ZBBX: variants seen among roughly 807,000 people sequenced by gnomAD.
ZBBX encodes zinc finger B-box domain containing, also known as zinc finger B-box domain-containing protein 1.
ZBBX carries 101 observed loss-of-function variants against 108.5 expected under a neutral mutation model. The ratio of observed to expected loss-of-function variants is 0.93; its 90% CI spans 0.79 to 1.10. ZBBX has a LOEUF of 1.10. Ranked by LOEUF, ZBBX falls within the 50% of genes least tolerant of loss-of-function variation. The pLI is 0.00. For synonymous variants in ZBBX, 356 were observed against 323.4 expected, an observed-to-expected ratio of 1.10 and a Z score of -1.08; for missense variants, 1,009 against 941.4, an observed-to-expected ratio of 1.07 and a Z score of -0.94.
chr3:167,321,430 G>T (rs1373482780), intron 12 of ZBBX, among the ~76,000 whole-genome samples: 7 of 151,966 alleles, frequency 4.6e-5, no homozygotes, highest in African/African-American at 1.7e-4. Context: ...CAGATGGAAT[G>T]GGCCACCTCG....
At chr3:167,324,992 T>G (rs1560126743) in intron 11 of ZBBX, among the ~76,000 whole-genome samples, 1 of 152,138 alleles carries the variant, frequency 6.6e-6, no homozygotes, top group Non-Finnish European at 1.5e-5. Flanking sequence ...CCCGCCCAAT[T>G]GTTACTGCCA....
chr3:167,311,893 A>ACT (rs1370198494), intron 16 of ZBBX, among the ~76,000 whole-genome samples: 1 of 152,116 alleles, frequency 6.6e-6, no homozygotes, highest in Non-Finnish European at 1.5e-5. Context: ...ACAAAACTAA[A>ACT]CATACCTGTA....
chr3:167,194,229 A>AATATAT, the ZBBX span, among the ~76,000 whole-genome samples: 2,222 of 139,802 alleles, frequency 0.016, 51 homozygotes, highest in African/African-American at 0.053. Context: ...ATATGTACTA[A>AATATAT]ATATATATAT....
intron 1 of ZBBX, among the ~76,000 whole-genome samples, chr3:167,401,720 A>T (rs1050251481): frequency 5.9e-5 from 9 of 152,120 alleles, no homozygotes; most frequent in African/African-American, 2.2e-4. Context: ...CTGTTTTATC[A>T]GCAAGGTCTT....
intron 1 of ZBBX, among the ~76,000 whole-genome samples, chr3:167,393,761 C>T (rs936064317): frequency 1.3e-5 from 2 of 151,860 alleles, no homozygotes; most frequent in South Asian, 2.1e-4. Flanking sequence ...AATTATCTCA[C>T]TTCTATTTTA....
chr3:167,239,547 T>A (rs898257239), downstream of ZBBX, among the ~76,000 whole-genome samples: 1 of 152,102 alleles, frequency 6.6e-6, no homozygotes, highest in South Asian at 2.1e-4. Context: ...CTCCTTATGA[T>A]TTTCTTAGTA....
At chr3:167,385,649 T>C (rs1382843378) in intron 1 of ZBBX, among the ~76,000 whole-genome samples, 1 of 152,024 alleles carries the variant, frequency 6.6e-6, no homozygotes, top group Non-Finnish European at 1.5e-5. Context: ...TACTTATCTA[T>C]AAGCCTTTTT....
At chr3:167,225,793 G>C in the ZBBX span, among the ~76,000 whole-genome samples, 1 of 151,794 alleles carries the variant, frequency 6.6e-6, no homozygotes, top group African/African-American at 2.4e-5. Context: ...ATCTTCCTCT[G>C]ATGGTTGAGG....
chr3:167,227,957 G>C, the ZBBX span, among the ~76,000 whole-genome samples: 1 of 151,600 alleles, frequency 6.6e-6, no homozygotes, highest in Admixed American at 6.6e-5. Flanking sequence ...GTGTATAGCT[G>C]GATAATGACT....
intron 13 of ZBBX, 76 bp from the exon 14 acceptor site, chr3:167,317,181 C>G: frequency 3.0e-6 from 3 of 1,014,980 alleles, no homozygotes; most frequent in Non-Finnish European, 4.4e-6. Flanking sequence ...AAGATAGCCA[C>G]CAAAAAAGAA....
chr3:167,236,433 T>C (rs1720234071), downstream of ZBBX, among the ~76,000 whole-genome samples: 1 of 151,798 alleles, frequency 6.6e-6, no homozygotes, highest in South Asian at 2.1e-4. Flanking sequence ...AGCAAAGCAC[T>C]TTCCAGTTGC....
intron 2 of ZBBX, among the ~76,000 whole-genome samples, chr3:167,376,961 C>T (rs1379183214): frequency 6.6e-6 from 1 of 152,120 alleles, no homozygotes; most frequent in African/African-American, 2.4e-5. Context: ...CTAATAAAAC[C>T]AGAGGAATAC....
the ZBBX span, among the ~76,000 whole-genome samples, chr3:167,181,322 A>G: frequency 2.0e-5 from 3 of 152,140 alleles, no homozygotes; most frequent in Non-Finnish European, 2.9e-5. Context: ...TCTCTCCCCC[A>G]TAAATTTATA....
At chr3:167,306,034 T>A in intron 16 of ZBBX, 84 bp from the exon 17 acceptor site, 1 of 1,160,822 alleles carries the variant, frequency 8.6e-7, no homozygotes, top group Non-Finnish European at 1.2e-6. Context: ...AGTTCTGTGG[T>A]AAAAAAACTT....
the ZBBX span, among the ~76,000 whole-genome samples, chr3:167,194,631 A>G: frequency 6.6e-6 from 1 of 152,232 alleles, no homozygotes; most frequent in Non-Finnish European, 1.5e-5. Context: ...GGGCTAAAGC[A>G]GAAGATAAAC....
chr3:167,369,618 A>T (rs1172020038), intron 4 of ZBBX, among the ~76,000 whole-genome samples: 2 of 152,208 alleles, frequency 1.3e-5, no homozygotes, highest in African/African-American at 4.8e-5. Context: ...AGGTGATAGG[A>T]TGTGAAATAC....
the ZBBX span, among the ~76,000 whole-genome samples, chr3:167,191,438 CAT>C: frequency 6.6e-6 from 1 of 152,148 alleles, no homozygotes; most frequent in Non-Finnish European, 1.5e-5. Context: ...ACAATTCCCA[CAT>C]GTTGTGGGAG....
At chr3:167,372,494 G>C (rs1168398784) in intron 4 of ZBBX, among the ~76,000 whole-genome samples, 2 of 152,074 alleles carry the variant, frequency 1.3e-5, no homozygotes, top group Non-Finnish European at 2.9e-5. Flanking sequence ...TCTATTTCCT[G>C]GTTAGGGTCT....
intron 19 of ZBBX, among the ~76,000 whole-genome samples, chr3:167,286,838 T>G (rs184794808): frequency 6.6e-6 from 1 of 152,210 alleles, no homozygotes; most frequent in African/African-American, 2.4e-5. Context: ...AGCTACGATG[T>G]TTTTACATTC....
Sources: allele counts gnomAD v4.1 joint callset (sites outside exome capture counted in the v4.1 genomes callset), GRCh38; gene constraint gnomAD v4.1.1; transcripts MANE v1.5; gene names NCBI Gene and HGNC (gene_info 2026-07-23, HGNC 2026-07-21).